Variants in IL12A observed in about 807,000 individuals in gnomAD.
The protein encoded by IL12A is interleukin-12 subunit alpha.
IL12A carries 16 observed loss-of-function variants against 23.5 expected under a neutral mutation model. The observed-to-expected ratio is 0.68, with a 90% CI of 0.46 to 1.03. The LOEUF (loss-of-function observed/expected upper bound fraction) is 1.03. Ranked by LOEUF, IL12A falls within the 50% of genes least tolerant of loss-of-function variation. The pLI is 0.00. For missense variants in IL12A, 275 were observed against 307.0 expected, an observed-to-expected ratio of 0.90 and a Z score of 0.78; for synonymous variants, 106 against 111.5, an observed-to-expected ratio of 0.95 and a Z score of 0.31.
Position 159,989,019 on chromosome 3 carries a change from C to T in IL12A, c.-38C>T, listed in dbSNP as rs920662144. The T allele has an allele frequency of 6.6e-7, 1 of 1,507,058 alleles. No individual in the cohort carries two copies. The highest frequency in any genetic ancestry group is 1.4e-5 in the African/African-American group (1 of 72,780). 93.4% of individuals were successfully genotyped at this position (1,507,058 alleles called of 1,614,324 possible). ...AGACAGAAAGCAAGAGACCAGAGTC[C>T]CGGGAAAGTCCTGCCGCGCCTCGGG... On this transcript the variant is annotated 5_prime_UTR_variant, in exon 1 of 7. Coordinates refer to ENST00000305579, the MANE Select transcript of IL12A (RefSeq NM_000882.4).
At chr3:159,993,224 A>G (rs1300904352) in intron 3 of IL12A, 99 bp downstream of exon 3, 2 of 781,170 alleles carry the variant, frequency 2.6e-6, no homozygotes. Flanking sequence ...ATCCATCATT[A>G]TGGGATTTTA....
chr3:159,993,280 A>T (rs901630734), intron 3 of IL12A, 155 bp downstream of exon 3: 13 of 738,766 alleles, frequency 1.8e-5, no homozygotes, highest in Non-Finnish European at 2.6e-5. Flanking sequence ...AATTATTTTT[A>T]AAAAATGGTT....
chr3:159,992,578 G>T (rs537902944), intron 2 of IL12A, among the ~76,000 whole-genome samples: 1 of 152,266 alleles, frequency 6.6e-6, no homozygotes, highest in South Asian at 2.1e-4. Flanking sequence ...TGTCTTAAGG[G>T]TTTGCATGTT....
intron 6 of IL12A, 130 bp from the exon 7 acceptor site, chr3:159,995,274 T>C (rs1720455899): frequency 5.3e-6 from 3 of 564,966 alleles, no homozygotes; most frequent in Admixed American, 3.5e-5. Flanking sequence ...TAGATTTGGA[T>C]TGGGTTTAGG....
In IL12A at chr3:159,993,021, A is replaced by G. The variant is rs766795077; in HGVS notation, c.274A>G (p.Thr92Ala). 1 of 1,586,968 alleles carries G rather than the reference A, an allele frequency of 6.3e-7. No homozygotes were observed. Among genetic ancestry groups the G allele is most frequent in the East Asian group, 2.2e-5 (1 of 44,728 alleles). Residue 92 changes from threonine (T) to alanine (A), a missense_variant, in exon 3 of 7, where the codon ACT becomes GCT. Physicochemically the swap from Thr to Ala is moderately conservative, Grantham distance 58 (BLOSUM62 0). Coordinates refer to ENST00000305579, the MANE Select transcript of IL12A (RefSeq NM_000882.4). ...CCTTCATTTTTTATAGGCCAGACAA[A>G]CTCTAGAATTTTACCCTTGCACTTC...
At chr3:159,989,388 C>T in intron 1 of IL12A, 1 of 567,608 alleles carries the variant, frequency 1.8e-6, no homozygotes, top group East Asian at 3.1e-5. Context: ...TCATTATGCC[C>T]ACTTCGTAGA....
At chr3:159,989,563 C>G (rs2108042551) in intron 1 of IL12A, among the ~76,000 whole-genome samples, 1 of 152,310 alleles carries the variant, frequency 6.6e-6, no homozygotes, top group East Asian at 1.9e-4. Context: ...GGACAGATCT[C>G]CTGAGGTCAG....
At position 159,995,564 on chromosome 3, in the gene IL12A, C is replaced by A; in HGVS notation, c.*5C>A. On this transcript the variant is annotated 3_prime_UTR_variant, in exon 7 of 7. Coordinates refer to ENST00000305579, the MANE Select transcript of IL12A (RefSeq NM_000882.4). The stretch of plus-strand genomic sequence containing the variant: ...AGCTATCTGAATGCTTCCTAAAAAG[C>A]GAGGTCCCTCCAAACCGTTGTCATT... 6.3e-7 allele frequency: 1 copy of A among 1,575,516 alleles called. No homozygotes were observed. Among genetic ancestry groups the A allele is most frequent in the Non-Finnish European group, 8.6e-7 (1 of 1,164,100 alleles).
Position 159,993,493 on chromosome 3 carries a change from G to T in IL12A, c.420+1G>T, listed in dbSNP as rs1234570857. 4.3e-6 allele frequency: 7 copies of T among 1,613,334 alleles called. No individual in the cohort carries two copies. Among genetic ancestry groups the T allele is most frequent in the Non-Finnish European group, 5.9e-6 (7 of 1,179,464 alleles). On this transcript the variant is annotated splice_donor_variant, in intron 4 of 6. Transcript: ENST00000305579. LOFTEE classifies it high-confidence loss of function. ...TTCCAGAGAGACCTCTTTCATAACT[G>T]TAAGTCAAAAAATGAAAAGTTTCAG...
chr3:159,993,190 C>A, intron 3 of IL12A, 65 bp downstream of exon 3: 2 of 923,410 alleles, frequency 2.2e-6, no homozygotes, highest in Non-Finnish European at 3.5e-6. Flanking sequence ...ATCTCACCTG[C>A]TTCTAAAAAT....
At chr3:159,990,712 T>C (rs564542479) in intron 2 of IL12A, among the ~76,000 whole-genome samples, 26 of 152,262 alleles carry the variant, frequency 1.7e-4, no homozygotes, top group African/African-American at 6.0e-4. Flanking sequence ...GGTACAAAGA[T>C]GAAATAGCCT....
intron 2 of IL12A, 129 bp from the exon 3 acceptor site, chr3:159,992,883 T>G: frequency 1.7e-6 from 1 of 597,872 alleles, no homozygotes; most frequent in Non-Finnish European, 3.0e-6. Flanking sequence ...CAGAATTTCC[T>G]GCAAGTCAAA....
intron 2 of IL12A, among the ~76,000 whole-genome samples, chr3:159,992,205 G>T (rs1328259835): frequency 6.6e-6 from 1 of 152,094 alleles, no homozygotes; most frequent in East Asian, 1.9e-4. Context: ...TCTTAATGTG[G>T]GTGTCCCAAC....
At chr3:159,992,966 T>C in intron 2 of IL12A, 46 bp from the exon 3 acceptor site, 1 of 1,153,886 alleles carries the variant, frequency 8.7e-7, no homozygotes, top group South Asian at 1.3e-5. Flanking sequence ...GGGTGCCAGG[T>C]GCATTATCAA....
At chr3:159,995,296 G>C in intron 6 of IL12A, 108 bp from the exon 7 acceptor site, 1 of 732,784 alleles carries the variant, frequency 1.4e-6, no homozygotes. Context: ...GTGGCATAAG[G>C]GACTGAGTTG....
In IL12A at chr3:159,993,573, G is replaced by A. The variant is rs764623851; in HGVS notation, c.426G>A (p.Gly142=). The change falls in exon 5 of 7, where the codon GGG becomes GGA. Residue 142 remains glycine (G), a synonymous_variant. Transcript: ENST00000305579. Reference sequence around the variant, plus strand: ...CTGATTATTTTTTCCTCTAGAATGGGAGTTGCCTGGCCTCCAGAAAGACCT... The same window carrying A: ...CTGATTATTTTTTCCTCTAGAATGGAAGTTGCCTGGCCTCCAGAAAGACCT... 2 of 1,614,088 alleles carry A rather than the reference G, an allele frequency of 1.2e-6. No homozygotes were observed. Among genetic ancestry groups the A allele is most frequent in the Non-Finnish European group, 1.7e-6 (2 of 1,180,006 alleles).
chr3:159,995,521 A>C lies in IL12A; in HGVS notation c.724A>C (p.Thr242Pro). The C allele has an allele frequency of 6.2e-7, 1 of 1,610,028 alleles. No homozygotes were observed. Among genetic ancestry groups the C allele is most frequent in the Non-Finnish European group, 8.5e-7 (1 of 1,178,522 alleles). Residue 242 changes from threonine (T) to proline (P), a missense_variant, in exon 7 of 7, where the codon ACT becomes CCT. Physicochemically the swap from Thr to Pro is conservative, Grantham distance 38 (BLOSUM62 -1). Coordinates refer to ENST00000305579, the MANE Select transcript of IL12A (RefSeq NM_000882.4). The stretch of plus-strand genomic sequence containing the variant: ...TCATGCTTTCAGAATTCGGGCAGTG[A>C]CTATTGATAGAGTGATGAGCTATCT...
intron 6 of IL12A, 122 bp downstream of exon 6, chr3:159,993,966 T>G (rs1348300116): frequency 3.6e-5 from 34 of 945,312 alleles, no homozygotes; most frequent in Non-Finnish European, 5.1e-5. Flanking sequence ...AGACCTACAT[T>G]TTCAAGAAGA....
intron 2 of IL12A, among the ~76,000 whole-genome samples, chr3:159,991,401 A>T (rs985833068): frequency 6.6e-6 from 1 of 152,224 alleles, no homozygotes; most frequent in African/African-American, 2.4e-5. Flanking sequence ...AATTTGGGCT[A>T]TATGTTTATT....
Sources: gnomAD v4.1 joint callset for allele counts (sites outside exome capture counted in the v4.1 genomes callset) on GRCh38, gnomAD v4.1.1 for gene constraint, MANE v1.5 for transcripts, NCBI Gene and HGNC (gene_info 2026-07-23, HGNC 2026-07-21) for gene names.